PFKP: variants seen among roughly 807,000 people sequenced by gnomAD.
The protein encoded by PFKP is phosphofructokinase, platelet, also known as ATP-dependent 6-phosphofructokinase, platelet type.
PFKP carries 101 observed loss-of-function variants against 94.3 expected under a neutral mutation model. That is an observed-to-expected ratio of 1.07 (90% CI 0.91 to 1.26). PFKP has a LOEUF of 1.26. Among genes scored for constraint, PFKP ranks in the 50% most tolerant of loss-of-function variants. PFKP has a pLI of 0.00. For missense variants in PFKP, 1,145 were observed against 1,103.3 expected (o/e 1.04, Z -0.53); for synonymous variants, 573 against 432.6 (o/e 1.32, Z -4.03).
intron 13 of PFKP, 149 bp downstream of exon 13, chr10:3,113,667 G>T: frequency 1.8e-5 from 1 of 54,336 alleles, no homozygotes; most frequent in East Asian, 1.0e-3. Flanking sequence ...ATTGCTTCTG[G>T]AGTAAAATCT....
At chr10:3,116,419 AAAG>A (rs1463230940) in intron 13 of PFKP, among the ~76,000 whole-genome samples, 1 of 152,208 alleles carries the variant, frequency 6.6e-6, no homozygotes, top group Non-Finnish European at 1.5e-5. Context: ...GTTTGTAAGA[AAAG>A]AAATTTTCCC....
chr10:3,105,189 C>T (rs373343832), intron 6 of PFKP, 30 bp downstream of exon 6: 16 of 1,603,556 alleles, frequency 1.0e-5, no homozygotes, highest in South Asian at 4.4e-5. Context: ...CCGGTGGACG[C>T]GGTTCAGGTG....
At chr10:3,111,084 A>G (rs117079053) in intron 10 of PFKP, among the ~76,000 whole-genome samples, 9,178 of 151,488 alleles carry the variant, frequency 0.061, 391 homozygotes, top group Non-Finnish European at 0.097. Context: ...ATGCATCTGC[A>G]TGTGTGTGCA....
intron 16 of PFKP, among the ~76,000 whole-genome samples, chr10:3,125,555 A>G (rs990075542): frequency 1.3e-5 from 2 of 152,080 alleles, no homozygotes; most frequent in Non-Finnish European, 2.9e-5. Context: ...CACGCTGAGT[A>G]GTGAGGCTGC....
At chr10:3,100,828 A>AT (rs1160609681) in intron 3 of PFKP, 4 of 675,772 alleles carry the variant, frequency 5.9e-6, no homozygotes, top group Admixed American at 2.5e-5. Flanking sequence ...TCCTGAAGAT[A>AT]TAGCTCTTTA....
intron 18 of PFKP, 123 bp downstream of exon 18, chr10:3,132,564 C>G: frequency 1.4e-6 from 1 of 691,822 alleles, no homozygotes; most frequent in Non-Finnish European, 2.6e-6. Context: ...ACTACACACA[C>G]TGAGCAGGTG....
rs529826168 is a variant in PFKP, at chr10:3,136,313, T to G, written c.2226-137T>G. 3,968 of 742,552 alleles carry G rather than the reference T, an allele frequency of 5.3e-3. 19 individuals are homozygous for G. Among genetic ancestry groups the G allele is most frequent in the Non-Finnish European group, 7.9e-3 (3,549 of 447,454 alleles). The allele number at this position is 742,552 out of a possible 1,614,324, so 46.0% of individuals were successfully genotyped here. A position where few individuals can be genotyped will look rare whatever the true frequency, so the allele number is the denominator to read the frequency against. The stretch of plus-strand genomic sequence containing the variant: ...CAATGGTTTCATTTGATCCTGAAAT[T>G]GGCTTTATCATCTAGTTGATTCAGC... On this transcript the variant is annotated intron_variant, in intron 21 of 21. Transcript: ENST00000381125.
At chr10:3,123,854 C>G (rs1837659154) in intron 16 of PFKP, among the ~76,000 whole-genome samples, 1 of 152,252 alleles carries the variant, frequency 6.6e-6, no homozygotes, top group Non-Finnish European at 1.5e-5. Flanking sequence ...AGAGCCTGCA[C>G]AGAGCGGCCC....
chr10:3,131,111 T>C (rs539437145), intron 17 of PFKP, among the ~76,000 whole-genome samples: 88 of 152,120 alleles, frequency 5.8e-4, no homozygotes, highest in Non-Finnish European at 1.1e-3. Context: ...TTTTATAATA[T>C]ATATTTTATA....
intron 14 of PFKP, among the ~76,000 whole-genome samples, chr10:3,118,340 C>T (rs865852287): frequency 7.2e-5 from 11 of 151,894 alleles, no homozygotes; most frequent in South Asian, 4.2e-4. Flanking sequence ...TGGTGGCGGG[C>T]GCCTGTAGTC....
chr10:3,134,247 TGTTA>T (rs1247619124), intron 19 of PFKP, among the ~76,000 whole-genome samples: 1 of 152,334 alleles, frequency 6.6e-6, no homozygotes, highest in East Asian at 1.9e-4. Context: ...TAATGAAGAT[TGTTA>T]GTTGACTTGT....
intron 16 of PFKP, chr10:3,129,526 C>A: frequency 2.5e-6 from 1 of 406,026 alleles, no homozygotes; most frequent in Non-Finnish European, 4.5e-6. Flanking sequence ...GTCGTCTTTT[C>A]CGTCCCCTTC....
chr10:3,123,917 T>C (rs9423474), intron 16 of PFKP, among the ~76,000 whole-genome samples: 76,825 of 151,906 alleles, frequency 0.51, 19,590 homozygotes, highest in South Asian at 0.61. Context: ...TGCCATGGGG[T>C]GCGGGGGACC....
intron 1 of PFKP, among the ~76,000 whole-genome samples, chr10:3,070,898 A>AATTATT (rs142048993): frequency 0.012 from 1,716 of 140,294 alleles, 21 homozygotes; most frequent in African/African-American, 0.027. Context: ...ATGACCAGCT[A>AATTATT]ATTATTATTA....
At chr10:3,125,857 C>A (rs529816259) in intron 16 of PFKP, among the ~76,000 whole-genome samples, 1 of 152,218 alleles carries the variant, frequency 6.6e-6, no homozygotes, top group Non-Finnish European at 1.5e-5. Flanking sequence ...GACATGAAGA[C>A]CTATGGTAGT....
intron 2 of PFKP, among the ~76,000 whole-genome samples, chr10:3,086,572 G>A (rs944230288): frequency 3.3e-5 from 5 of 152,288 alleles, no homozygotes; most frequent in East Asian, 1.9e-4. Flanking sequence ...CACATCCTAC[G>A]ATGGACAGGA....
At chr10:3,080,402 A>G (rs113903671) in intron 1 of PFKP, among the ~76,000 whole-genome samples, 9 of 151,564 alleles carry the variant, frequency 5.9e-5, no homozygotes, top group Non-Finnish European at 1.3e-4. Context: ...CTGTAGTCCC[A>G]GCTGCTCAGG....
At chr10:3,080,696 GT>G (rs145524879) in intron 1 of PFKP, among the ~76,000 whole-genome samples, 2 of 150,336 alleles carry the variant, frequency 1.3e-5, no homozygotes, top group African/African-American at 2.5e-5. Flanking sequence ...TACTTCATTT[GT>G]TTTTTTTCTA....
At position 3,129,873 on chromosome 10, in the gene PFKP, A is replaced by G. The variant is rs768556603; in HGVS notation, c.1738A>G (p.Ile580Val). 6.2e-7 allele frequency: 1 copy of G among 1,613,680 alleles called. No individual in the cohort carries two copies. Among genetic ancestry groups the G allele is most frequent in the South Asian group, 1.1e-5 (1 of 91,074 alleles). The change falls in exon 17 of 22, where the codon ATC (isoleucine) becomes GTC (valine). Residue 580 changes from isoleucine (I) to valine (V), a missense_variant. Ile to Val is a conservative substitution (Grantham distance 29). This residue lies in a region of PFKP where 1,119 missense variants were observed against 1,062.8 expected (regional missense o/e 1.05). Coordinates refer to ENST00000381125, the MANE Select transcript of PFKP (RefSeq NM_002627.5). The part of the protein sequence containing the change: ...ASGTKRRVFI[I>V]ETMGGYCGYL... Reference sequence around the variant, plus strand: ...CGGAACCAAGCGGCGCGTGTTCATCATCGAGACCATGGGCGGCTACTGTGG... The same window carrying G: ...CGGAACCAAGCGGCGCGTGTTCATCGTCGAGACCATGGGCGGCTACTGTGG...
Sources: allele counts gnomAD v4.1 joint callset (sites outside exome capture counted in the v4.1 genomes callset), GRCh38; gene constraint gnomAD v4.1.1; regional missense constraint gnomAD v4.1.1; transcripts MANE v1.5; gene names NCBI Gene and HGNC (gene_info 2026-07-23, HGNC 2026-07-21).